The following PLXNA4 variants were observed in gnomAD, a reference collection of about 807,000 sequenced individuals.
The protein encoded by PLXNA4 is plexin-A4.
In PLXNA4, 44 loss-of-function variants were observed where a neutral mutation model predicts 191.8. That is an observed-to-expected ratio of 0.23 (90% confidence interval 0.18 to 0.29). PLXNA4 has a LOEUF of 0.29. Among genes scored for constraint, PLXNA4 ranks in the 10% least tolerant of loss-of-function variants. The pLI is 1.00. For synonymous variants in PLXNA4, 1,082 were observed against 1,009.5 expected, an observed-to-expected ratio of 1.07 and a Z score of -1.36; for missense variants, 1,800 against 2,488.8, an observed-to-expected ratio of 0.72 and a Z score of 5.89.
chr7:132,480,861 G>A (rs156923), intron 3 of PLXNA4, among the ~76,000 whole-genome samples: 6,642 of 152,268 alleles, frequency 0.044, 200 homozygotes, highest in Non-Finnish European at 0.06. Context: ...CAGGAGTCCC[G>A]TCGTTTCTAA....
chr7:132,161,544 G>A (rs940319849), intron 24 of PLXNA4, among the ~76,000 whole-genome samples: 1 of 152,212 alleles, frequency 6.6e-6, no homozygotes. Context: ...TCTGATCTAG[G>A]AGGTCTGGGA....
At chr7:132,436,954 A>T (rs1388704110) in intron 3 of PLXNA4, among the ~76,000 whole-genome samples, 2 of 152,132 alleles carry the variant, frequency 1.3e-5, no homozygotes, top group Non-Finnish European at 2.9e-5. Flanking sequence ...AGCATGTGGA[A>T]CCATCTGACT....
At chr7:132,500,779 T>G (rs1413831516) in intron 2 of PLXNA4, among the ~76,000 whole-genome samples, 1 of 152,190 alleles carries the variant, frequency 6.6e-6, no homozygotes, top group African/African-American at 2.4e-5. Context: ...ATATTTCTCT[T>G]TCCTTAGGAG....
In PLXNA4 at chr7:132,564,833, A is replaced by G. The variant is rs552878573; in HGVS notation, c.-87+11589T>C. Among the ~76,000 whole-genome samples, 4 of 152,270 alleles carry G rather than the reference A, an allele frequency of 2.6e-5. No individual in the cohort carries two copies. In the South Asian group the frequency reaches 8.3e-4, roughly 32 times the overall value. On this transcript the variant is annotated intron_variant, in intron 1 of 31. Transcript: ENST00000321063. ...GTCCCCAATTGAACCTACTACTACC[A>G]GGATGGAGATCCCCCCGGGGACCCA...
chr7:132,590,176 CA>C (rs1453158229), intron 2 of PLXNA4, among the ~76,000 whole-genome samples: 1 of 152,148 alleles, frequency 6.6e-6, no homozygotes, highest in Non-Finnish European at 1.5e-5. Context: ...CTATATGAAC[CA>C]AGCCTGGTTC....
chr7:132,563,487 C>T (rs1801473796), intron 1 of PLXNA4, among the ~76,000 whole-genome samples: 2 of 98,234 alleles, frequency 2.0e-5, no homozygotes, highest in East Asian at 3.6e-4. Flanking sequence ...GCTGCTCCTC[C>T]TCCTCCTTCT....
chr7:132,273,368 G>A (rs1336435147), intron 4 of PLXNA4, among the ~76,000 whole-genome samples: 3 of 151,184 alleles, frequency 2.0e-5, no homozygotes, highest in Non-Finnish European at 4.4e-5. Context: ...GCACGCACAC[G>A]CACACACCTC....
chr7:132,239,830 G>A (rs1485587572), intron 5 of PLXNA4, among the ~76,000 whole-genome samples: 2 of 152,180 alleles, frequency 1.3e-5, no homozygotes, highest in African/African-American at 4.8e-5. Flanking sequence ...CACGTTCAGG[G>A]TGGCACGGCC....
intron 30 of PLXNA4, among the ~76,000 whole-genome samples, chr7:132,138,691 A>G (rs547421531): frequency 1.6e-4 from 24 of 152,294 alleles, no homozygotes; most frequent in African/African-American, 5.5e-4. Context: ...TAGGAAATGG[A>G]AACCATCAAA....
At chr7:132,524,015 G>A (rs552273481) in intron 1 of PLXNA4, among the ~76,000 whole-genome samples, 13 of 152,256 alleles carry the variant, frequency 8.5e-5, no homozygotes, top group South Asian at 6.2e-4. Context: ...TGTGTTCTGC[G>A]GAAGGCATCT....
chr7:132,368,833 C>T (rs954243746), intron 3 of PLXNA4, among the ~76,000 whole-genome samples: 1 of 152,184 alleles, frequency 6.6e-6, no homozygotes, highest in Non-Finnish European at 1.5e-5. Context: ...AGCCGCCAGC[C>T]ATGTGGTGAC....
chr7:132,319,138 C>G (rs898176306), intron 3 of PLXNA4, among the ~76,000 whole-genome samples: 4 of 152,158 alleles, frequency 2.6e-5, no homozygotes, highest in East Asian at 1.9e-4. Context: ...CTCTATTTCC[C>G]CTAATCTAAT....
chr7:132,177,736 TC>T (rs1796523902), intron 20 of PLXNA4, among the ~76,000 whole-genome samples: 1 of 152,070 alleles, frequency 6.6e-6, no homozygotes. Flanking sequence ...GAGATTCTAA[TC>T]ACTACACCTA....
At chr7:132,357,536 A>G (rs888601108) in intron 3 of PLXNA4, among the ~76,000 whole-genome samples, 1 of 152,212 alleles carries the variant, frequency 6.6e-6, no homozygotes, top group Admixed American at 6.5e-5. Flanking sequence ...GAATCTTAAG[A>G]GACCAAGATG....
chr7:132,176,880 A>G (rs983648097), intron 20 of PLXNA4, among the ~76,000 whole-genome samples: 5 of 151,468 alleles, frequency 3.3e-5, no homozygotes, highest in Admixed American at 1.3e-4. Context: ...GTGTGAGTGC[A>G]TGCGTCTATG....
At chr7:132,439,843 A>G (rs1795621666) in intron 3 of PLXNA4, among the ~76,000 whole-genome samples, 1 of 152,198 alleles carries the variant, frequency 6.6e-6, no homozygotes, top group Non-Finnish European at 1.5e-5. Flanking sequence ...GCACTACTAG[A>G]GAGAGAAGCA....
intron 9 of PLXNA4, among the ~76,000 whole-genome samples, chr7:132,215,955 AAATTATCC>A (rs1333154311): frequency 1.3e-5 from 2 of 152,252 alleles, no homozygotes; most frequent in Non-Finnish European, 2.9e-5. Flanking sequence ...CTGTTATAAC[AAATTATCC>A]AATCTGAGGA....
intron 1 of PLXNA4, among the ~76,000 whole-genome samples, chr7:132,648,073 A>G (rs903343816): frequency 6.6e-6 from 1 of 151,978 alleles, no homozygotes; most frequent in Non-Finnish European, 1.5e-5. Context: ...ATGCACACAC[A>G]CAAACTCACA....
intron 3 of PLXNA4, among the ~76,000 whole-genome samples, chr7:132,404,550 T>C (rs1004900017): frequency 9.2e-5 from 14 of 152,138 alleles, no homozygotes; most frequent in Admixed American, 2.6e-4. Context: ...CCCTGTTACA[T>C]GGACCTGGCA....
Sources: gnomAD v4.1 joint callset for allele counts (sites outside exome capture counted in the v4.1 genomes callset) on GRCh38, gnomAD v4.1.1 for gene constraint, MANE v1.5 for transcripts, NCBI Gene and HGNC (gene_info 2026-07-23, HGNC 2026-07-21) for gene names.